NRG2: variants seen among roughly 807,000 people sequenced by gnomAD.
The protein encoded by NRG2 is pro-neuregulin-2, membrane-bound isoform.
Under a neutral mutation model 73.9 loss-of-function variants are expected in NRG2, and 27 were observed. The observed-to-expected ratio is 0.37, with a 90% confidence interval of 0.27 to 0.50. The LOEUF (loss-of-function observed/expected upper bound fraction) is 0.50, where lower values mean the gene tolerates loss of function less well. Among genes scored for constraint, NRG2 ranks in the 20% least tolerant of loss-of-function variants. NRG2 has a pLI of 0.96. For synonymous variants in NRG2, 532 were observed against 541.0 expected (o/e 0.98, Z 0.23); for missense variants, 1,126 against 1,210.1 (o/e 0.93, Z 1.03).
intron 1 of NRG2, among the ~76,000 whole-genome samples, chr5:139,891,000 A>C (rs2127140926): frequency 6.6e-6 from 1 of 152,312 alleles, no homozygotes; most frequent in South Asian, 2.1e-4. Context: ...CACAACACAG[A>C]GAGCTCTTAT....
rs774850385 is a variant in NRG2 at position 140,042,339 on chromosome 5, CT to C, written c.700+30del. The C allele has an allele frequency of 3.5e-5, 51 of 1,470,750 alleles. No homozygotes were observed. In the East Asian group the frequency reaches 1.2e-3, roughly 35 times the overall value. The allele number at this position is 1,470,750 out of a possible 1,614,324, so 91.1% of individuals were successfully genotyped here. ...TTCTCCACCACCTCGCCCCTCCCCC[CT>C]TTCTCCAGCAAAGGGAGGGGGCGAC... On this transcript the variant is annotated intron_variant, in intron 1 of 9. Coordinates refer to ENST00000361474, the MANE Select transcript of NRG2 (RefSeq NM_004883.3).
Position 140,042,366 on chromosome 5 carries a change from T to A in NRG2, c.700+4A>T. 1 of 1,517,554 alleles carries A rather than the reference T, an allele frequency of 6.6e-7. No individual in the cohort carries two copies. The highest frequency in any genetic ancestry group is 8.9e-7 in the Non-Finnish European group (1 of 1,121,324). The allele number at this position is 1,517,554 out of a possible 1,614,324, so 94.0% of individuals were successfully genotyped here. On this transcript the variant is annotated splice_donor_region_variant and intron_variant, in intron 1 of 9. Transcript: ENST00000361474. ...TTCTCCAGCAAAGGGAGGGGGCGAC[T>A]CACCGCAGTCAGTGCACAGGATCTT...
chr5:139,848,151 TGAGCCGCCGCCC>T lies in NRG2; in HGVS notation c.2307_2318del (p.Gly770_Ser773del), dbSNP rs1761119523. 6.9e-7 allele frequency: 1 copy of T among 1,449,984 alleles called. No individual in the cohort carries two copies. Among genetic ancestry groups the T allele is most frequent in the Non-Finnish European group, 9.0e-7 (1 of 1,108,338 alleles). The allele number at this position is 1,449,984 out of a possible 1,614,324, so 89.8% of individuals were successfully genotyped here. On this transcript the variant is annotated inframe_deletion, in exon 10 of 10. Coordinates refer to ENST00000361474, the MANE Select transcript of NRG2 (RefSeq NM_004883.3). ...CCGCGTCGTCGTCCGACGCCGAGGC[TGAGCCGCCGCCC>T]GAGCCGCTGCTCAGCGACAGCGAGT...
intron 1 of NRG2, among the ~76,000 whole-genome samples, chr5:139,975,106 C>T (rs1039206977): frequency 2.6e-5 from 4 of 152,184 alleles, no homozygotes; most frequent in Non-Finnish European, 5.9e-5. Flanking sequence ...AATGTGCAGG[C>T]CACCCCCAAT....
At chr5:139,926,512 G>C (rs547723628) in intron 1 of NRG2, among the ~76,000 whole-genome samples, 1 of 152,178 alleles carries the variant, frequency 6.6e-6, no homozygotes, top group Non-Finnish European at 1.5e-5. Context: ...GCTGGCTTCC[G>C]TGAGTGATGA....
At chr5:139,945,059 A>C (rs1753706811) in intron 1 of NRG2, among the ~76,000 whole-genome samples, 1 of 152,118 alleles carries the variant, frequency 6.6e-6, no homozygotes, top group African/African-American at 2.4e-5. Flanking sequence ...TCTTTTGAGA[A>C]ATATCTGTTC....
At chr5:139,963,112 A>C (rs1469807323) in intron 1 of NRG2, among the ~76,000 whole-genome samples, 4 of 152,234 alleles carry the variant, frequency 2.6e-5, no homozygotes, top group Admixed American at 6.5e-5. Flanking sequence ...AGGAATGAAT[A>C]AATAGTGAAT....
intron 1 of NRG2, among the ~76,000 whole-genome samples, chr5:139,918,687 T>C (rs1751448665): frequency 6.6e-6 from 1 of 152,128 alleles, no homozygotes; most frequent in South Asian, 2.1e-4. Context: ...TGGATTTGGA[T>C]TGCCAGCAGG....
chr5:139,880,297 G>T (rs943154339), intron 3 of NRG2, among the ~76,000 whole-genome samples: 1 of 152,152 alleles, frequency 6.6e-6, no homozygotes, highest in South Asian at 2.1e-4. Flanking sequence ...CTGTAGAGAC[G>T]AGAAGGTAAG....
intron 1 of NRG2, among the ~76,000 whole-genome samples, chr5:139,900,683 A>G (rs1223519716): frequency 3.3e-5 from 5 of 152,192 alleles, no homozygotes; most frequent in African/African-American, 4.8e-5. Context: ...GGGCTAGTGG[A>G]GTAAGTGGGA....
intron 1 of NRG2, among the ~76,000 whole-genome samples, chr5:139,946,407 A>C (rs866747251): frequency 3.3e-5 from 5 of 152,240 alleles, no homozygotes; most frequent in Middle Eastern, 3.4e-3. Flanking sequence ...TTCTGAGACA[A>C]CTAGATATCC....
intron 5 of NRG2, among the ~76,000 whole-genome samples, chr5:139,860,273 C>T (rs1762069142): frequency 6.6e-6 from 1 of 152,112 alleles, no homozygotes; most frequent in African/African-American, 2.4e-5. Context: ...GTCTCAGGAG[C>T]CCCCCTGCTC....
At chr5:139,971,289 T>G (rs1755951419) in intron 1 of NRG2, among the ~76,000 whole-genome samples, 1 of 152,198 alleles carries the variant, frequency 6.6e-6, no homozygotes, top group Non-Finnish European at 1.5e-5. Context: ...CATGGGCCTA[T>G]TTTCCACTAG....
At chr5:139,864,728 G>A (rs1292950660) in intron 5 of NRG2, among the ~76,000 whole-genome samples, 1 of 150,822 alleles carries the variant, frequency 6.6e-6, no homozygotes, top group East Asian at 1.9e-4. Context: ...GGCTTTCTGA[G>A]AACTTTTTTT....
At chr5:139,967,355 C>T in intron 1 of NRG2, among the ~76,000 whole-genome samples, 1 of 152,234 alleles carries the variant, frequency 6.6e-6, no homozygotes, top group East Asian at 1.9e-4. Context: ...TCTCAGGACA[C>T]ACATACCTCC....
intron 1 of NRG2, among the ~76,000 whole-genome samples, chr5:139,990,004 G>A (rs1427995405): frequency 2.0e-5 from 3 of 151,294 alleles, no homozygotes; most frequent in South Asian, 2.1e-4. Context: ...TAGCCAGGAT[G>A]GTCTTGATCT....
chr5:139,931,719 CA>C, intron 1 of NRG2, among the ~76,000 whole-genome samples: 1 of 152,194 alleles, frequency 6.6e-6, no homozygotes, highest in East Asian at 1.9e-4. Flanking sequence ...AAATGGATTA[CA>C]GAGCTAAGGT....
intron 1 of NRG2, 71 bp downstream of exon 1, chr5:140,042,299 C>T: frequency 8.1e-7 from 1 of 1,229,008 alleles, no homozygotes; most frequent in Non-Finnish European, 1.1e-6. Context: ...GCAGCACCTC[C>T]CCGCCCCACC....
At chr5:140,005,982 G>T (rs534484512) in intron 1 of NRG2, among the ~76,000 whole-genome samples, 1 of 152,152 alleles carries the variant, frequency 6.6e-6, no homozygotes, top group African/African-American at 2.4e-5. Context: ...TACCAAAGAC[G>T]TCTAGGTCAA....
Sources: allele counts gnomAD v4.1 joint callset (sites outside exome capture counted in the v4.1 genomes callset), GRCh38; gene constraint gnomAD v4.1.1; transcripts MANE v1.5; gene names NCBI Gene and HGNC (gene_info 2026-07-23, HGNC 2026-07-21).